The following KANSL1 variants were observed in gnomAD, a reference collection of about 807,000 sequenced individuals.
KANSL1 encodes the protein KAT8 regulatory NSL complex subunit 1, also known as MLL1/MLL complex subunit KANSL1.
Under a neutral mutation model 103.6 loss-of-function variants are expected in KANSL1, and 22 were observed. The ratio of observed to expected loss-of-function variants is 0.21; its 90% CI spans 0.15 to 0.30. The LOEUF (loss-of-function observed/expected upper bound fraction) is 0.30, where lower values mean the gene tolerates loss of function less well. Ranked by LOEUF, KANSL1 falls within the 10% of genes least tolerant of loss-of-function variation. The pLI, the probability that KANSL1 is intolerant of heterozygous loss-of-function variation, is 1.00. For synonymous variants in KANSL1, 600 were observed against 527.6 expected, an observed-to-expected ratio of 1.14 and a Z score of -1.88; for missense variants, 1,337 against 1,399.8, an observed-to-expected ratio of 0.96 and a Z score of 0.72.
intron 1 of KANSL1, among the ~76,000 whole-genome samples, chr17:46,173,783 CT>C (rs1300888687): frequency 6.6e-6 from 1 of 152,118 alleles, no homozygotes; most frequent in East Asian, 1.9e-4. Context: ...TTAAGATGTC[CT>C]TGATGAACAG....
intron 2 of KANSL1, among the ~76,000 whole-genome samples, chr17:46,144,502 TA>T (rs1304991623): frequency 6.6e-6 from 1 of 152,226 alleles, no homozygotes; most frequent in East Asian, 1.9e-4. Context: ...GCATTTTTTC[TA>T]ATCATTTACA....
intron 6 of KANSL1, among the ~76,000 whole-genome samples, chr17:46,052,703 G>T (rs11869074): frequency 0.14 from 21,415 of 150,592 alleles, 1,854 homozygotes; most frequent in East Asian, 0.46. Context: ...CCAAAACTTT[G>T]AGGTGGGAGA....
At chr17:46,128,495 T>A (rs1382642780) in intron 2 of KANSL1, among the ~76,000 whole-genome samples, 1 of 152,200 alleles carries the variant, frequency 6.6e-6, no homozygotes, top group Non-Finnish European at 1.5e-5. Context: ...AATGTCACTG[T>A]GACAAGTGTT....
At chr17:46,079,131 C>T (rs1449306826) in intron 4 of KANSL1, among the ~76,000 whole-genome samples, 1 of 152,164 alleles carries the variant, frequency 6.6e-6, no homozygotes, top group African/African-American at 2.4e-5. Context: ...CTTCCCTAAC[C>T]CAGAAAATAT....
intron 1 of KANSL1, among the ~76,000 whole-genome samples, chr17:46,204,825 A>C (rs1031534728): frequency 6.6e-6 from 1 of 152,286 alleles, no homozygotes; most frequent in African/African-American, 2.4e-5. Flanking sequence ...ACACCATATT[A>C]ATAAAGGATA....
chr17:46,172,025 G>C lies in KANSL1; in HGVS notation c.119C>G (p.Ala40Gly). The C allele has an allele frequency of 6.2e-7, 1 of 1,614,244 alleles. No homozygotes were observed. Among genetic ancestry groups the C allele is most frequent in the Non-Finnish European group, 8.5e-7 (1 of 1,180,056 alleles). Residue 40 changes from alanine to glycine, a missense_variant, in exon 2 of 15, where the codon GCC (alanine) becomes GGC (glycine). By Grantham distance (60) the Ala-to-Gly change is moderately conservative. Transcript: ENST00000432791. ...TCCGTTGGCAGCAATAAGGATGTTG[G>C]CGTTGCCGTTATTTTCGGCACTGCC... ...SPGSAENNGN[A>G]NILIAANGTK... is the part of the protein sequence containing the mutation.
upstream of KANSL1, among the ~76,000 whole-genome samples, chr17:46,194,793 T>C (rs912169314): frequency 6.6e-6 from 1 of 152,276 alleles, no homozygotes; most frequent in African/African-American, 2.4e-5. Context: ...ACGTCACTTC[T>C]GCTTATCAAA....
At chr17:46,187,548 A>C (rs1345082211) in intron 1 of KANSL1, among the ~76,000 whole-genome samples, 2 of 152,244 alleles carry the variant, frequency 1.3e-5, no homozygotes, top group African/African-American at 4.8e-5. Flanking sequence ...CTTTAATTCT[A>C]AAAAAATTAC....
chr17:46,161,745 G>C (rs1032793189), intron 2 of KANSL1, among the ~76,000 whole-genome samples: 1 of 152,182 alleles, frequency 6.6e-6, no homozygotes, highest in African/African-American at 2.4e-5. Flanking sequence ...CTCTCTAGTT[G>C]CCATTCCCCA....
chr17:46,182,199 A>G (rs1273676473), intron 1 of KANSL1, among the ~76,000 whole-genome samples: 2 of 152,208 alleles, frequency 1.3e-5, no homozygotes, highest in Non-Finnish European at 2.9e-5. Flanking sequence ...GGTTGCCCTC[A>G]AGTGTAAGAT....
intron 2 of KANSL1, among the ~76,000 whole-genome samples, chr17:46,144,277 C>A (rs990762984): frequency 6.6e-6 from 1 of 152,130 alleles, no homozygotes; most frequent in Non-Finnish European, 1.5e-5. Flanking sequence ...TAGGGATAAT[C>A]AAAAAATGTT....
chr17:46,142,467 T>G (rs1341642500), intron 2 of KANSL1, among the ~76,000 whole-genome samples: 3 of 151,916 alleles, frequency 2.0e-5, no homozygotes, highest in Non-Finnish European at 2.9e-5. Flanking sequence ...AAAAAAAATT[T>G]TTTAATAAGG....
intron 1 of KANSL1, among the ~76,000 whole-genome samples, chr17:46,208,109 C>CA (rs535893493): frequency 0.15 from 19,630 of 130,362 alleles, 25 homozygotes; most frequent in Middle Eastern, 0.2. Flanking sequence ...AAATCCGTCT[C>CA]AAAAAAAAAA....
At chr17:46,195,675 C>G (rs964625424), upstream of KANSL1, among the ~76,000 whole-genome samples, 1 of 152,214 alleles carries the variant, frequency 6.6e-6, no homozygotes, top group Admixed American at 6.5e-5. Flanking sequence ...ACCTCAGCCT[C>G]TTGAGTAGCT....
rs943413933 is a variant in KANSL1 at position 46,171,217 on chromosome 17, T to G, written c.927A>C (p.Gln309His). The G allele has an allele frequency of 6.2e-7, 1 of 1,614,020 alleles. No individual in the cohort carries two copies. Among genetic ancestry groups the G allele is most frequent in the Non-Finnish European group, 8.5e-7 (1 of 1,180,048 alleles). Residue 309 changes from glutamine to histidine, a missense_variant, in exon 2 of 15, where the codon CAA (glutamine) becomes CAC (histidine). Coordinates refer to ENST00000432791, the MANE Select transcript of KANSL1 (RefSeq NM_015443.4). ...GTATATGCCTCTCAACCTGCTTGGC[T>G]TGCACAACCTGTAAGCGCTTTTGTA... ...RRLQKRLQVV[Q>H]AKQVERHIQH...
At chr17:46,056,635 T>G (rs552831763) in intron 6 of KANSL1, among the ~76,000 whole-genome samples, 1 of 152,278 alleles carries the variant, frequency 6.6e-6, no homozygotes, top group South Asian at 2.1e-4. Flanking sequence ...ATCAAAGATC[T>G]TGATTTCAAA....
intron 2 of KANSL1, among the ~76,000 whole-genome samples, chr17:46,113,636 TA>T (rs11307173): frequency 2.0e-5 from 3 of 147,696 alleles, no homozygotes; most frequent in South Asian, 2.1e-4. Context: ...TGAGTTGGAC[TA>T]AAAAAAAAAC....
At chr17:46,074,551 A>G (rs947248002) in intron 4 of KANSL1, among the ~76,000 whole-genome samples, 1 of 152,092 alleles carries the variant, frequency 6.6e-6, no homozygotes, top group African/African-American at 2.4e-5. Flanking sequence ...GTGTCTCCCT[A>G]TAAGACAGTC....
chr17:46,062,109 ACAAACAAAC>A (rs376879920), intron 6 of KANSL1, among the ~76,000 whole-genome samples: 5 of 36,900 alleles, frequency 1.4e-4, no homozygotes, highest in Admixed American at 4.6e-4. Flanking sequence ...AAAAAAAAAA[ACAAACAAAC>A]AAAAAAAAAA....
Sources: gnomAD v4.1 joint callset for allele counts (sites outside exome capture counted in the v4.1 genomes callset) on GRCh38, gnomAD v4.1.1 for gene constraint, MANE v1.5 for transcripts, NCBI Gene and HGNC (gene_info 2026-07-23, HGNC 2026-07-21) for gene names.